FGD5: variants seen among roughly 807,000 people sequenced by gnomAD.
FGD5 encodes FYVE, RhoGEF and PH domain-containing protein 5.
Under a neutral mutation model 133.4 loss-of-function variants are expected in FGD5, and 28 were observed. The ratio of observed to expected loss-of-function variants is 0.21; its 90% CI spans 0.16 to 0.29. The LOEUF is 0.29. FGD5 is among the 10% of genes least tolerant of loss of function. FGD5 has a pLI of 1.00. For synonymous variants in FGD5, 810 were observed against 776.5 expected (o/e 1.04, Z -0.72); for missense variants, 1,858 against 1,895.2 (o/e 0.98, Z 0.36).
In FGD5 at chr3:14,820,358, C is replaced by T. The variant is rs1243964806; in HGVS notation, c.1287C>T (p.Pro429=). ...CCTTGGATGATGCACTGGCCAACCC[C>T]TATGTGATGGGAGTGGGCCTGCCCG... is the stretch of plus-strand genomic sequence containing the variant. ...EEALDDALAN[P]YVMGVGLPGQ... The change falls in exon 1 of 20, where the codon CCC becomes CCT. Residue 429 remains proline (P), a synonymous_variant. Coordinates refer to ENST00000285046, the MANE Select transcript of FGD5 (RefSeq NM_152536.4). 2 of 1,613,378 alleles carry T rather than the reference C, an allele frequency of 1.2e-6. No homozygotes were observed. Among genetic ancestry groups the T allele is most frequent in the African/African-American group, 1.3e-5 (1 of 74,918 alleles).
chr3:14,864,046 G>A (rs2037449206), intron 1 of FGD5, 82 bp from the exon 2 acceptor site: 1 of 1,555,596 alleles, frequency 6.4e-7, no homozygotes, highest in Non-Finnish European at 8.8e-7. Flanking sequence ...TGTCCCCATG[G>A]CATGAATGGG....
chr3:14,849,307 C>T (rs1440560212), intron 1 of FGD5, among the ~76,000 whole-genome samples: 1 of 152,216 alleles, frequency 6.6e-6, no homozygotes, highest in East Asian at 1.9e-4. Flanking sequence ...TGGCACCTCT[C>T]ACACATTTTC....
chr3:14,883,461 T>C (rs550759187), intron 4 of FGD5, among the ~76,000 whole-genome samples: 1 of 152,338 alleles, frequency 6.6e-6, no homozygotes, highest in Admixed American at 6.5e-5. Context: ...CATCTATTCA[T>C]GCATCAAGTG....
intron 9 of FGD5, 45 bp downstream of exon 9, chr3:14,901,106 G>A (rs771931610): frequency 3.1e-6 from 5 of 1,603,604 alleles, no homozygotes; most frequent in African/African-American, 1.3e-5. Flanking sequence ...CAGGTTCCAG[G>A]CACCTCCCCA....
At position 14,917,320 on chromosome 3, in the gene FGD5, G is replaced by A. The variant is rs745541364; in HGVS notation, c.3477G>A (p.Val1159=). The A allele has an allele frequency of 1.2e-6, 2 of 1,613,098 alleles. No homozygotes were observed. Among genetic ancestry groups the A allele is most frequent in the Non-Finnish European group, 1.7e-6 (2 of 1,179,582 alleles). ...ACCGGCTGAAGAACACATTGGCTGT[G>A]GCCAACATGAAGGTAAATATCTGGT... is the stretch of plus-strand genomic sequence containing the variant. ...GKYRLKNTLA[V]ANMKVSRPVM... The change falls in exon 12 of 20, where the codon GTG becomes GTA. Residue 1159 remains valine, a synonymous_variant. Transcript: ENST00000285046. This position sits in a 1 kb window ranked among gnomAD's most constrained non-coding sequence, Gnocchi z 4.1.
chr3:14,877,933 G>A lies in FGD5; in HGVS notation c.2659-2639G>A, dbSNP rs9819306. ...GATGCCATTAGTTATCCTGTAATACGTAAGAACAGCTTCTACAGCAAAAAC... is the reference window on the plus strand; with the variant it reads ...GATGCCATTAGTTATCCTGTAATACATAAGAACAGCTTCTACAGCAAAAAC... On this transcript the variant is annotated intron_variant, in intron 2 of 19. Transcript: ENST00000285046. Among the ~76,000 whole-genome samples the A allele has an allele frequency of 6.6e-5, 10 of 152,252 alleles. No individual in the cohort carries two copies. The South Asian group carries it at 1.5e-3, about 22-fold the overall frequency.
intron 4 of FGD5, among the ~76,000 whole-genome samples, chr3:14,881,999 G>A (rs114300697): frequency 0.014 from 2,147 of 152,238 alleles, 54 homozygotes; most frequent in African/African-American, 0.048. Flanking sequence ...TGAGCTGATA[G>A]CAGCCAGGAC....
At chr3:14,919,161 G>A (rs942930315) in intron 13 of FGD5, among the ~76,000 whole-genome samples, 1 of 152,108 alleles carries the variant, frequency 6.6e-6, no homozygotes, top group Non-Finnish European at 1.5e-5. Flanking sequence ...ACAGCAACAC[G>A]AAAAGTTAAG....
At chr3:14,846,272 T>A (rs1279207310) in intron 1 of FGD5, among the ~76,000 whole-genome samples, 1 of 151,986 alleles carries the variant, frequency 6.6e-6, no homozygotes, top group Non-Finnish European at 1.5e-5. Flanking sequence ...CTAGTGAGGA[T>A]GGGGCTGAGG....
At chr3:14,932,315 T>G (rs959725120) in intron 18 of FGD5, 2 of 331,076 alleles carry the variant, frequency 6.0e-6, no homozygotes, top group African/African-American at 4.3e-5. Context: ...ACTCCTGACC[T>G]CAGGTGATCC....
chr3:14,830,790 G>A (rs2036692277), intron 1 of FGD5, among the ~76,000 whole-genome samples: 1 of 152,204 alleles, frequency 6.6e-6, no homozygotes, highest in African/African-American at 2.4e-5. Flanking sequence ...GGAGAGTTGT[G>A]TTGGTAGTCC....
chr3:14,909,097 T>C (rs2038398512), intron 10 of FGD5, among the ~76,000 whole-genome samples: 1 of 151,778 alleles, frequency 6.6e-6, no homozygotes, highest in East Asian at 2.0e-4. Flanking sequence ...GCCTCCCGAA[T>C]AGCTGGGATT....
chr3:14,897,999 C>T lies in FGD5; in HGVS notation c.2970C>T (p.His990=), dbSNP rs60413292. ...FLAREQGFDH[H]ATHILQFDRY... ...CCCGGGAGCAGGGGTTTGATCACCA[C>T]GCCACTCACATCCTGCAGTTCGACA... Residue 990 remains histidine (H), a synonymous_variant, in exon 6 of 20, where the codon CAC becomes CAT. Transcript: ENST00000285046. The T allele has an allele frequency of 3.8e-3, 6,207 of 1,613,900 alleles. 171 individuals carry two copies. The African/African-American group carries it at 0.067, about 18-fold the overall frequency.
rs1402051701 is a variant in FGD5, at chr3:14,933,662, T to C, written c.*495T>C. The C allele has an allele frequency of 1.2e-5, 2 of 160,898 alleles. No individual in the cohort carries two copies. Among genetic ancestry groups the C allele is most frequent in the East Asian group, 1.8e-4 (1 of 5,608 alleles). 10.0% of individuals were successfully genotyped at this position (160,898 alleles called of 1,614,324 possible). On this transcript the variant is annotated 3_prime_UTR_variant, in exon 20 of 20. Transcript: ENST00000285046. ...TTTTACGGAGCTGCAACCTCCAATT[T>C]TGTGTTTTCTAAGTGATTTACTTAA...
chr3:14,839,658 C>T (rs1249814768), intron 1 of FGD5, among the ~76,000 whole-genome samples: 2 of 152,104 alleles, frequency 1.3e-5, no homozygotes, highest in Non-Finnish European at 2.9e-5. Context: ...GTTGGCCAGG[C>T]GCAGTGGCTC....
intron 18 of FGD5, 64 bp from the exon 19 acceptor site, chr3:14,932,513 A>G: frequency 1.3e-6 from 2 of 1,542,224 alleles, no homozygotes; most frequent in East Asian, 2.3e-5. Context: ...CAGATTGGAG[A>G]TAACAGTAAA....
At chr3:14,932,980 T>C in intron 19 of FGD5, 151 bp from the exon 20 acceptor site, 1 of 1,045,660 alleles carries the variant, frequency 9.6e-7, no homozygotes, top group Non-Finnish European at 1.4e-6. Flanking sequence ...TTGCTGAATA[T>C]AGAAAACATG....
upstream of FGD5, among the ~76,000 whole-genome samples, chr3:14,817,724 G>A (rs542788532): frequency 6.6e-5 from 10 of 152,298 alleles, no homozygotes; most frequent in African/African-American, 2.4e-4. Context: ...TTATTTTGAG[G>A]CCACTTGTGT....
At chr3:14,828,384 A>G (rs1251554596) in intron 1 of FGD5, among the ~76,000 whole-genome samples, 1 of 152,222 alleles carries the variant, frequency 6.6e-6, no homozygotes, top group African/African-American at 2.4e-5. Flanking sequence ...TAAGACTCCA[A>G]TGAAAATGTC....
Sources: gnomAD v4.1 joint callset for allele counts (sites outside exome capture counted in the v4.1 genomes callset) on GRCh38, gnomAD v4.1.1 for gene constraint, Gnocchi (gnomAD v3.1) non-coding constraint, MANE v1.5 for transcripts, NCBI Gene and HGNC (gene_info 2026-07-23, HGNC 2026-07-21) for gene names.